The following MCTP2 variants were observed in gnomAD, a reference collection of about 807,000 sequenced individuals.
The protein encoded by MCTP2 is multiple C2 and transmembrane domain-containing protein 2.
In MCTP2, 132 loss-of-function variants were observed where a neutral mutation model predicts 111.6. The observed-to-expected ratio is 1.18, with a 90% CI of 1.03 to 1.37. MCTP2 has a LOEUF of 1.37. Among genes scored for constraint, MCTP2 ranks in the 40% most tolerant of loss-of-function variants. The probability of loss-of-function intolerance (pLI) is 0.00; values close to 1 mark genes in which losing one functional copy is unlikely to be tolerated. For synonymous variants in MCTP2, 395 were observed against 387.7 expected, an observed-to-expected ratio of 1.02 and a Z score of -0.22; for missense variants, 1,183 against 1,067.9, an observed-to-expected ratio of 1.11 and a Z score of -1.50.
intron 1 of MCTP2, among the ~76,000 whole-genome samples, chr15:94,281,779 T>C (rs769654813): frequency 6.6e-6 from 1 of 152,214 alleles, no homozygotes; most frequent in Non-Finnish European, 1.5e-5. Context: ...TAGCATTTCT[T>C]GTCTGAAAAG....
At chr15:94,367,311 A>G (rs1459733719) in intron 10 of MCTP2, among the ~76,000 whole-genome samples, 1 of 151,858 alleles carries the variant, frequency 6.6e-6, no homozygotes, top group East Asian at 1.9e-4. Flanking sequence ...CTAATTTTTG[A>G]TCTTATCTTT....
intron 1 of MCTP2, among the ~76,000 whole-genome samples, chr15:94,240,036 C>T (rs2070827449): frequency 6.6e-6 from 1 of 151,682 alleles, no homozygotes; most frequent in South Asian, 2.1e-4. Context: ...TTTTGGTGTT[C>T]AGTTGTCAGG....
chr15:94,354,901 G>A (rs896884335), intron 8 of MCTP2, among the ~76,000 whole-genome samples: 1 of 152,160 alleles, frequency 6.6e-6, no homozygotes, highest in East Asian at 1.9e-4. Context: ...TATAGCGAGC[G>A]ATGACAGGAA....
chr15:94,358,713 T>C, intron 10 of MCTP2, 101 bp downstream of exon 10: 2 of 1,388,926 alleles, frequency 1.4e-6, no homozygotes, highest in Non-Finnish European at 2.0e-6. Flanking sequence ...CTACCTTGCA[T>C]CCCTCACCCC....
chr15:94,270,814 C>T (rs2073868741), intron 1 of MCTP2, among the ~76,000 whole-genome samples: 1 of 152,176 alleles, frequency 6.6e-6, no homozygotes, highest in Non-Finnish European at 1.5e-5. Context: ...CCCTTTGTTT[C>T]CACTCGGTTG....
rs12438991 is a variant in MCTP2, at chr15:94,417,878, G to A, written c.2085+15859G>A. Among the ~76,000 whole-genome samples the A allele has an allele frequency of 8.6e-3, 1,301 of 152,062 alleles. 11 individuals are homozygous for A. The highest frequency in any genetic ancestry group is 0.023 in the African/African-American group (937 of 41,492). On this transcript the variant is annotated intron_variant, in intron 17 of 22. Coordinates refer to ENST00000357742, the MANE Select transcript of MCTP2 (RefSeq NM_001385001.1). Reference sequence around the variant, plus strand: ...GTTCCTGAATTCGGGTACCTTAGTCGGTTTTAAACACATTGAATATGTACA... The same window carrying A: ...GTTCCTGAATTCGGGTACCTTAGTCAGTTTTAAACACATTGAATATGTACA...
chr15:94,408,827 A>G (rs1344141437), intron 17 of MCTP2, among the ~76,000 whole-genome samples: 1 of 152,208 alleles, frequency 6.6e-6, no homozygotes, highest in Non-Finnish European at 1.5e-5. Context: ...CAATTATTGT[A>G]ATCATAGCAC....
chr15:94,408,607 CTAAT>C (rs1301649016), intron 17 of MCTP2, among the ~76,000 whole-genome samples: 1 of 152,086 alleles, frequency 6.6e-6, no homozygotes, highest in Non-Finnish European at 1.5e-5. Context: ...CAGGCATTAA[CTAAT>C]TATGCAATTT....
chr15:94,441,267 T>C (rs2083764543), intron 18 of MCTP2, among the ~76,000 whole-genome samples: 1 of 152,196 alleles, frequency 6.6e-6, no homozygotes, highest in Non-Finnish European at 1.5e-5. Context: ...AATTTCAAAA[T>C]TCTATTCTGT....
intron 1 of MCTP2, among the ~76,000 whole-genome samples, chr15:94,283,280 A>G (rs541066834): frequency 1.7e-4 from 26 of 152,292 alleles, no homozygotes; most frequent in Non-Finnish European, 3.1e-4. Flanking sequence ...TTCCTGTCCC[A>G]TAGCAAGACA....
chr15:94,274,525 TA>T (rs1282751697), intron 1 of MCTP2, among the ~76,000 whole-genome samples: 3 of 152,088 alleles, frequency 2.0e-5, no homozygotes, highest in East Asian at 3.9e-4. Flanking sequence ...ATATGAGCAA[TA>T]AAAAGGGTTA....
At chr15:94,294,290 G>A (rs1471285948) in intron 1 of MCTP2, among the ~76,000 whole-genome samples, 1 of 152,156 alleles carries the variant, frequency 6.6e-6, no homozygotes, top group African/African-American at 2.4e-5. Flanking sequence ...ACACAAATCT[G>A]TAAATGTGTT....
chr15:94,455,230 A>G (rs1299277446), intron 19 of MCTP2, among the ~76,000 whole-genome samples: 1 of 152,220 alleles, frequency 6.6e-6, no homozygotes, highest in Non-Finnish European at 1.5e-5. Context: ...TTCAGCATAT[A>G]TTTTGTTAAA....
chr15:94,283,226 C>A (rs905880798), intron 1 of MCTP2, among the ~76,000 whole-genome samples: 1 of 152,118 alleles, frequency 6.6e-6, no homozygotes, highest in Non-Finnish European at 1.5e-5. Context: ...AGGCAGGGAC[C>A]CTGGGAGAGG....
chr15:94,259,576 A>G (rs8036788), intron 1 of MCTP2, among the ~76,000 whole-genome samples: 39,668 of 152,090 alleles, frequency 0.26, 5,355 homozygotes, highest in South Asian at 0.38. Context: ...TTGAATTGTG[A>G]TATGTTTGAT....
chr15:94,382,279 G>A (rs375477825), intron 12 of MCTP2, among the ~76,000 whole-genome samples: 5 of 152,192 alleles, frequency 3.3e-5, no homozygotes, highest in Admixed American at 6.5e-5. Context: ...TTTTTAGCCC[G>A]ATTCTCCAGC....
chr15:94,260,056 G>T (rs1348349181), intron 1 of MCTP2, among the ~76,000 whole-genome samples: 1 of 152,090 alleles, frequency 6.6e-6, no homozygotes, highest in Non-Finnish European at 1.5e-5. Context: ...CACCAGTGAG[G>T]TCATTTGCTT....
intron 1 of MCTP2, among the ~76,000 whole-genome samples, chr15:94,297,767 C>A (rs546250988): frequency 6.6e-6 from 1 of 152,204 alleles, no homozygotes; most frequent in East Asian, 1.9e-4. Flanking sequence ...TATTTAATAA[C>A]TGGCCCTGCA....
chr15:94,283,847 A>G (rs961660196), intron 1 of MCTP2, among the ~76,000 whole-genome samples: 8 of 152,200 alleles, frequency 5.3e-5, no homozygotes, highest in Admixed American at 1.3e-4. Context: ...TTCCAACCCC[A>G]AAACACAATA....
Sources: gnomAD v4.1 joint callset for allele counts (sites outside exome capture counted in the v4.1 genomes callset) on GRCh38, gnomAD v4.1.1 for gene constraint, MANE v1.5 for transcripts, NCBI Gene and HGNC (gene_info 2026-07-23, HGNC 2026-07-21) for gene names.